PSTPIP2: variants seen among roughly 807,000 people sequenced by gnomAD.
The protein encoded by PSTPIP2 is proline-serine-threonine phosphatase interacting protein 2, also known as proline-serine-threonine phosphatase-interacting protein 2.
PSTPIP2 carries 33 observed loss-of-function variants against 63.3 expected under a neutral mutation model. That is an observed-to-expected ratio of 0.52 (90% CI 0.40 to 0.70). The LOEUF (loss-of-function observed/expected upper bound fraction) is 0.70, where lower values mean the gene tolerates loss of function less well. Ranked by LOEUF, PSTPIP2 falls within the 30% of genes least tolerant of loss-of-function variation. The pLI, the probability that PSTPIP2 is intolerant of heterozygous loss-of-function variation, is 0.00. For missense variants in PSTPIP2, 312 were observed against 400.7 expected (o/e 0.78, Z 1.89); for synonymous variants, 125 against 132.7 (o/e 0.94, Z 0.40).
chr18:45,988,340 T>G, intron 14 of PSTPIP2, among the ~76,000 whole-genome samples: 2 of 147,396 alleles, frequency 1.4e-5, no homozygotes, highest in African/African-American at 2.6e-5. Flanking sequence ...GAGGCTGAGG[T>G]GGGAAGATCA....
chr18:46,065,149 AAAAAAAAAAAAAAAAG>A (rs1288827374), intron 1 of PSTPIP2, among the ~76,000 whole-genome samples: 2 of 148,152 alleles, frequency 1.3e-5, no homozygotes, highest in Non-Finnish European at 3.0e-5. Context: ...TGTCTCAAAA[AAAAAAAAAAAAAAAAG>A]AAAAGAAAAG....
intron 4 of PSTPIP2, among the ~76,000 whole-genome samples, chr18:46,014,154 C>G (rs1401733631): frequency 1.3e-5 from 2 of 152,046 alleles, no homozygotes; most frequent in Admixed American, 1.3e-4. Context: ...TCTGGAGTAG[C>G]TGGGACTACA....
At chr18:46,024,346 T>C (rs1164896372) in intron 3 of PSTPIP2, among the ~76,000 whole-genome samples, 1 of 151,976 alleles carries the variant, frequency 6.6e-6, no homozygotes, top group Non-Finnish European at 1.5e-5. Flanking sequence ...CCAAGTTGCC[T>C]AGGCTGGTCT....
chr18:46,020,542 AC>A (rs1476686184), intron 3 of PSTPIP2, among the ~76,000 whole-genome samples: 1 of 152,124 alleles, frequency 6.6e-6, no homozygotes, highest in East Asian at 1.9e-4. Context: ...AATCTCAGCT[AC>A]TCAGGAGGCT....
At chr18:45,986,339 T>C (rs944628430) in intron 14 of PSTPIP2, among the ~76,000 whole-genome samples, 1 of 152,216 alleles carries the variant, frequency 6.6e-6, no homozygotes, top group Non-Finnish European at 1.5e-5. Context: ...GTACATGTGT[T>C]GGCACTAGCA....
chr18:46,067,027 CA>C (rs35558747), intron 1 of PSTPIP2, among the ~76,000 whole-genome samples: 22,402 of 129,892 alleles, frequency 0.17, 2,329 homozygotes, highest in East Asian at 0.43. Flanking sequence ...AACTCCATCT[CA>C]AAAAAAAAAA....
intron 2 of PSTPIP2, chr18:46,028,436 G>A: frequency 1.8e-6 from 1 of 559,814 alleles, no homozygotes. Context: ...CAGCGGAACC[G>A]CCCGACGCTG....
At chr18:46,059,251 G>A (rs563769746) in intron 1 of PSTPIP2, among the ~76,000 whole-genome samples, 2 of 151,530 alleles carry the variant, frequency 1.3e-5, no homozygotes, top group African/African-American at 4.8e-5. Flanking sequence ...TGGCCAGGCA[G>A]GTCTTTTTTT....
intron 1 of PSTPIP2, among the ~76,000 whole-genome samples, chr18:46,046,702 G>A (rs1908396579): frequency 6.6e-6 from 1 of 152,242 alleles, no homozygotes; most frequent in Admixed American, 6.5e-5. Flanking sequence ...ATGGGGAGGT[G>A]AGAGAATGAC....
chr18:46,041,947 C>T (rs759733124), intron 1 of PSTPIP2, among the ~76,000 whole-genome samples: 4 of 152,110 alleles, frequency 2.6e-5, no homozygotes, highest in Non-Finnish European at 5.9e-5. Flanking sequence ...TCTACCCAGC[C>T]CTGGACACTG....
chr18:46,000,053 C>G (rs140089838), intron 6 of PSTPIP2, among the ~76,000 whole-genome samples: 1 of 152,136 alleles, frequency 6.6e-6, no homozygotes, highest in Non-Finnish European at 1.5e-5. Flanking sequence ...CTGGGAGGGT[C>G]GCTTGTGCCC....
In PSTPIP2 at chr18:45,993,715, T is replaced by C. The variant is rs374483948; in HGVS notation, c.643-12A>G. 6.8e-4 allele frequency: 1,099 copies of C among 1,605,406 alleles called. 1 individual carries two copies. Among genetic ancestry groups the C allele is most frequent in the Non-Finnish European group, 5.8e-4 (682 of 1,172,298 alleles). On this transcript the variant is annotated splice_polypyrimidine_tract_variant and intron_variant, in intron 9 of 14. Coordinates refer to ENST00000409746, the MANE Select transcript of PSTPIP2 (RefSeq NM_024430.4). ...TGAGCCTCAAATGCCTACAGAAAAA[T>C]AGCTACGTGTACATAGATATGCAAG...
chr18:46,058,608 C>G (rs949363351), intron 1 of PSTPIP2, among the ~76,000 whole-genome samples: 1 of 152,166 alleles, frequency 6.6e-6, no homozygotes, highest in African/African-American at 2.4e-5. Context: ...ATCCACCCAC[C>G]TTGGCCTCCC....
At chr18:46,008,883 C>T (rs1427765408) in intron 5 of PSTPIP2, among the ~76,000 whole-genome samples, 1 of 152,148 alleles carries the variant, frequency 6.6e-6, no homozygotes, top group East Asian at 1.9e-4. Context: ...CCCTGCCAAC[C>T]CCCTGGGGTG....
intron 2 of PSTPIP2, among the ~76,000 whole-genome samples, chr18:46,038,032 G>A (rs1908045770): frequency 6.6e-6 from 1 of 152,086 alleles, no homozygotes; most frequent in Non-Finnish European, 1.5e-5. Flanking sequence ...ACCCATTTGT[G>A]AGCCATAAAT....
intron 4 of PSTPIP2, among the ~76,000 whole-genome samples, chr18:46,012,597 C>A (rs545432115): frequency 6.6e-4 from 101 of 152,202 alleles, no homozygotes; most frequent in African/African-American, 2.3e-3. Context: ...CATGGTGAAA[C>A]CCCGTCTCTA....
intron 8 of PSTPIP2, 74 bp from the exon 9 acceptor site, chr18:45,997,902 C>A: frequency 1.5e-6 from 2 of 1,319,228 alleles, no homozygotes; most frequent in South Asian, 2.3e-5. Flanking sequence ...ACAGGCTGGT[C>A]TCAGATGGCA....
At chr18:46,014,270 C>T (rs2051831041) in intron 4 of PSTPIP2, among the ~76,000 whole-genome samples, 1 of 150,108 alleles carries the variant, frequency 6.7e-6, no homozygotes. Context: ...AACCTGCCCG[C>T]CTTGGCCTCC....
intron 14 of PSTPIP2, among the ~76,000 whole-genome samples, chr18:45,986,652 A>G (rs1018169950): frequency 6.6e-6 from 1 of 152,234 alleles, no homozygotes; most frequent in African/African-American, 2.4e-5. Flanking sequence ...TGAAGAAGAA[A>G]TGATGACTGA....
Sources: allele counts gnomAD v4.1 joint callset (sites outside exome capture counted in the v4.1 genomes callset), GRCh38; gene constraint gnomAD v4.1.1; transcripts MANE v1.5; gene names NCBI Gene and HGNC (gene_info 2026-07-23, HGNC 2026-07-21).